ARAP2: variants seen among roughly 807,000 people sequenced by gnomAD.
The protein encoded by ARAP2 is ArfGAP with RhoGAP domain, ankyrin repeat and PH domain 2.
A neutral mutation model predicts 194.5 loss-of-function variants in ARAP2; 148 were observed. The ratio of observed to expected loss-of-function variants is 0.76; its 90% CI spans 0.67 to 0.87. ARAP2 has a LOEUF of 0.87. ARAP2 is among the 40% of genes least tolerant of loss of function. The pLI is 0.00. For synonymous variants in ARAP2, 695 were observed against 683.5 expected, an observed-to-expected ratio of 1.02 and a Z score of -0.26; for missense variants, 2,128 against 1,989.7, an observed-to-expected ratio of 1.07 and a Z score of -1.32.
At chr4:36,113,064 C>T (rs1185649640) in intron 26 of ARAP2, among the ~76,000 whole-genome samples, 1 of 151,794 alleles carries the variant, frequency 6.6e-6, no homozygotes, top group Admixed American at 6.6e-5. Flanking sequence ...TAAAGAGAAT[C>T]CAGGCAGTAT....
chr4:36,214,266 A>C (rs1167375406), intron 3 of ARAP2, among the ~76,000 whole-genome samples, 156 bp downstream of exon 3: 1 of 152,180 alleles, frequency 6.6e-6, no homozygotes, highest in Non-Finnish European at 1.5e-5. Context: ...TATTCAGTCC[A>C]TTTTAAAAGT....
At chr4:36,145,393 T>A (rs975415073) in intron 19 of ARAP2, among the ~76,000 whole-genome samples, 6 of 152,054 alleles carry the variant, frequency 3.9e-5, no homozygotes, top group African/African-American at 1.4e-4. Context: ...TGGATGCAGC[T>A]GAAGGTCCTT....
exon 10 of ARAP2, chr4:36,006,909 G>A (rs890263275): frequency 8.5e-5 from 13 of 152,066 alleles, no homozygotes; most frequent in Admixed American, 8.5e-4. Context: ...GTACCCAGGT[G>A]AGGTGGTGTG....
At chr4:36,083,522 G>GAT (rs1730104640) in intron 28 of ARAP2, 72 bp from the exon 29 acceptor site, 1 of 1,091,020 alleles carries the variant, frequency 9.2e-7, no homozygotes, top group Non-Finnish European at 1.3e-6. Context: ...GAGCATTAAT[G>GAT]ATTGGGTTTA....
rs1332668604 is a variant in ARAP2 at position 36,147,661 on chromosome 4, A to G, written c.3086T>C (p.Leu1029Pro). ...AAACCAGCCTTTTCTCCACTGATCC[A>G]GGGCATGGCAGTCTTTGTAGAAGAG... ...GQLFYKDCHA[L>P]DQWRKGWFAM... The change falls in exon 18 of 33, where the codon CTG (leucine) becomes CCG (proline). Residue 1029 changes from leucine to proline, a missense_variant. Physicochemically the swap from Leu to Pro is moderately conservative, Grantham distance 98. Coordinates refer to ENST00000303965, the MANE Select transcript of ARAP2 (RefSeq NM_015230.4). 1 of 1,613,370 alleles carries G rather than the reference A, an allele frequency of 6.2e-7. No homozygotes were observed. Among genetic ancestry groups the G allele is most frequent in the African/African-American group, 1.3e-5 (1 of 75,014 alleles).
At chr4:36,030,987 G>A (rs1190107979) in intron 5 of ARAP2, among the ~76,000 whole-genome samples, 4 of 151,980 alleles carry the variant, frequency 2.6e-5, no homozygotes, top group Admixed American at 2.0e-4. Flanking sequence ...AAAATTAGCT[G>A]GGCATGGTGG....
At chr4:36,025,695 C>T (rs986363895) in intron 5 of ARAP2, among the ~76,000 whole-genome samples, 6 of 150,972 alleles carry the variant, frequency 4.0e-5, no homozygotes, top group African/African-American at 1.5e-4. Flanking sequence ...AAAAAAAAAA[C>T]CTTGAAATGC....
At chr4:36,030,998 C>A (rs1718852964) in intron 5 of ARAP2, among the ~76,000 whole-genome samples, 1 of 152,016 alleles carries the variant, frequency 6.6e-6, no homozygotes, top group African/African-American at 2.4e-5. Flanking sequence ...GGCATGGTGG[C>A]ACACGCCTGT....
In ARAP2 at chr4:36,067,663, G is replaced by A. The variant is rs2109297076; in HGVS notation, c.*244C>T. 2.8e-6 allele frequency: 1 copy of A among 352,474 alleles called. No individual in the cohort carries two copies. The highest frequency in any genetic ancestry group is 6.3e-5 in the South Asian group (1 of 15,778). 21.8% of individuals were successfully genotyped at this position (352,474 alleles called of 1,614,324 possible). On this transcript the variant is annotated 3_prime_UTR_variant, in exon 33 of 33. Transcript: ENST00000303965. ...GGACTGACCACCTAAGTAACCCAAT[G>A]TCTTCTTACACACGTTAATACAATG...
At chr4:36,238,277 T>C (rs1752812414) in intron 1 of ARAP2, among the ~76,000 whole-genome samples, 3 of 152,152 alleles carry the variant, frequency 2.0e-5, no homozygotes, top group Non-Finnish European at 4.4e-5. Context: ...TCATTCTCCC[T>C]CAGAATGACA....
At chr4:36,119,759 T>A (rs745374067) in intron 23 of ARAP2, 41 bp from the exon 24 acceptor site, 2 of 1,403,698 alleles carry the variant, frequency 1.4e-6, no homozygotes, top group Non-Finnish European at 2.0e-6. Flanking sequence ...TAATGTAGAA[T>A]ACGAAGAGTG....
At chr4:36,101,067 T>C (rs1716775325) in intron 27 of ARAP2, among the ~76,000 whole-genome samples, 2 of 152,042 alleles carry the variant, frequency 1.3e-5, no homozygotes, top group Admixed American at 1.3e-4. Context: ...TTGCATAGCA[T>C]TTACATTGCA....
At chr4:36,057,198 GTTTT>G (rs776996821) in intron 2 of ARAP2, among the ~76,000 whole-genome samples, 11 of 142,560 alleles carry the variant, frequency 7.7e-5, no homozygotes, top group African/African-American at 2.6e-4. Flanking sequence ...AATTGTAATT[GTTTT>G]TTTTTTGGCT....
chr4:36,164,422 T>C (rs1031629459), intron 11 of ARAP2, among the ~76,000 whole-genome samples: 7 of 152,194 alleles, frequency 4.6e-5, no homozygotes, highest in Middle Eastern at 3.2e-3. Context: ...AAACCAGTCA[T>C]AGTACTGGTT....
intron 7 of ARAP2, among the ~76,000 whole-genome samples, chr4:36,189,094 G>A (rs1292284625): frequency 6.6e-6 from 1 of 152,126 alleles, no homozygotes. Context: ...AGCCAAAACT[G>A]AGTATGGCAA....
At chr4:36,051,653 G>C (rs1722687779) in intron 3 of ARAP2, among the ~76,000 whole-genome samples, 1 of 152,074 alleles carries the variant, frequency 6.6e-6, no homozygotes, top group Admixed American at 6.6e-5. Flanking sequence ...CCATTCCACA[G>C]ATTGTCTGTC....
At chr4:36,026,838 C>T (rs141441074) in intron 5 of ARAP2, among the ~76,000 whole-genome samples, 2 of 152,348 alleles carry the variant, frequency 1.3e-5, no homozygotes, top group East Asian at 1.9e-4. Flanking sequence ...TTGACTACTG[C>T]TTACACTAAA....
At chr4:36,188,580 GACA>G (rs1351447851) in intron 7 of ARAP2, among the ~76,000 whole-genome samples, 1 of 152,100 alleles carries the variant, frequency 6.6e-6, no homozygotes, top group Non-Finnish European at 1.5e-5. Context: ...GAAATAAGAG[GACA>G]ACAACATAGA....
Position 36,229,549 on chromosome 4 carries a change from A to C in ARAP2, c.-63T>G. 1 of 1,304,418 alleles carries C rather than the reference A, an allele frequency of 7.7e-7. No individual in the cohort carries two copies. The highest frequency in any genetic ancestry group is 1.5e-5 in the South Asian group (1 of 68,078). The allele number at this position is 1,304,418 out of a possible 1,614,324, so 80.8% of individuals were successfully genotyped here. A position where few individuals can be genotyped will look rare whatever the true frequency, so the allele number is the denominator to read the frequency against. On this transcript the variant is annotated 5_prime_UTR_variant, in exon 2 of 33. Coordinates refer to ENST00000303965, the MANE Select transcript of ARAP2 (RefSeq NM_015230.4). The stretch of plus-strand genomic sequence containing the variant: ...GGCACGATGAGACACACACACAAGA[A>C]GATGTACTTCTCTACTGGCTTTTCC...
Sources: allele counts gnomAD v4.1 joint callset (sites outside exome capture counted in the v4.1 genomes callset), GRCh38; gene constraint gnomAD v4.1.1; transcripts MANE v1.5; gene names NCBI Gene and HGNC (gene_info 2026-07-23, HGNC 2026-07-21).